Variants in PTBP3 observed in about 807,000 individuals in gnomAD.
The protein encoded by PTBP3 is polypyrimidine tract-binding protein 3.
Under a neutral mutation model 58.7 loss-of-function variants are expected in PTBP3, and 20 were observed. The observed-to-expected ratio is 0.34, with a 90% CI of 0.24 to 0.50. The LOEUF (loss-of-function observed/expected upper bound fraction) is 0.50, where lower values mean the gene tolerates loss of function less well. PTBP3 is among the 20% of genes least tolerant of loss of function. PTBP3 has a pLI of 0.98. For missense variants in PTBP3, 509 were observed against 637.2 expected, an observed-to-expected ratio of 0.80 and a Z score of 2.17; for synonymous variants, 185 against 219.8, an observed-to-expected ratio of 0.84 and a Z score of 1.40.
At chr9:112,378,544 G>C in the PTBP3 span, among the ~76,000 whole-genome samples, 1 of 152,208 alleles carries the variant, frequency 6.6e-6, no homozygotes, top group Non-Finnish European at 1.5e-5. Flanking sequence ...CCGTTACTAA[G>C]AATTCACTCT....
chr9:112,284,861 T>C (rs531982648), intron 2 of PTBP3, among the ~76,000 whole-genome samples: 24 of 152,320 alleles, frequency 1.6e-4, no homozygotes, highest in African/African-American at 5.5e-4. Flanking sequence ...ACCCCCGTTG[T>C]ATCTTCGAAG....
the PTBP3 span, among the ~76,000 whole-genome samples, chr9:112,379,166 G>A: frequency 6.6e-6 from 1 of 152,140 alleles, no homozygotes; most frequent in Non-Finnish European, 1.5e-5. Context: ...CTTCAGCGTG[G>A]GCGACAGCGA....
chr9:112,336,973 G>T (rs1830582141), upstream of PTBP3, among the ~76,000 whole-genome samples: 1 of 152,140 alleles, frequency 6.6e-6, no homozygotes, highest in South Asian at 2.1e-4. Context: ...AACAAAAAAG[G>T]TGAAGCCTTA....
the PTBP3 span, among the ~76,000 whole-genome samples, chr9:112,358,123 C>G: frequency 1.3e-5 from 2 of 152,026 alleles, no homozygotes; most frequent in African/African-American, 4.8e-5. Context: ...GGCTGGCCAA[C>G]GTGATGATAC....
chr9:112,238,408 G>C (rs1835517167), intron 7 of PTBP3, among the ~76,000 whole-genome samples: 1 of 152,006 alleles, frequency 6.6e-6, no homozygotes, highest in Non-Finnish European at 1.5e-5. Context: ...ATGCAGCTCA[G>C]AAAGAAAAGT....
chr9:112,267,450 C>T (rs1490601883), intron 4 of PTBP3, among the ~76,000 whole-genome samples: 1 of 152,122 alleles, frequency 6.6e-6, no homozygotes, highest in Non-Finnish European at 1.5e-5. Flanking sequence ...CCAAAAACCA[C>T]CTTCTTAAAA....
At chr9:112,320,287 A>ATATATATATAT (rs1222194244) in intron 1 of PTBP3, among the ~76,000 whole-genome samples, 1 of 39,526 alleles carries the variant, frequency 2.5e-5, no homozygotes, top group African/African-American at 2.7e-4. Flanking sequence ...CTTAAAAAAA[A>ATATATATATAT]AAAAATATAT....
At chr9:112,224,095 A>G (rs758096858) in intron 13 of PTBP3, 38 bp downstream of exon 13, 23 of 1,553,826 alleles carry the variant, frequency 1.5e-5, no homozygotes, top group Non-Finnish European at 1.9e-5. Context: ...ATACCATATT[A>G]AATAATTTTA....
intron 5 of PTBP3, among the ~76,000 whole-genome samples, chr9:112,257,143 T>C (rs573031888): frequency 1.3e-5 from 2 of 152,340 alleles, no homozygotes; most frequent in East Asian, 3.9e-4. Context: ...GTGTGGTTTT[T>C]ATCTGAATGT....
chr9:112,234,114 C>A (rs898829760), intron 8 of PTBP3, among the ~76,000 whole-genome samples: 3 of 152,192 alleles, frequency 2.0e-5, no homozygotes, highest in Admixed American at 6.5e-5. Flanking sequence ...TTCCCCTAAT[C>A]ACCAACCTCA....
At chr9:112,369,981 G>T in the PTBP3 span, among the ~76,000 whole-genome samples, 1 of 152,110 alleles carries the variant, frequency 6.6e-6, no homozygotes, top group Non-Finnish European at 1.5e-5. Flanking sequence ...ACACACTCTT[G>T]CCTGCCACCA....
At chr9:112,362,376 G>A in the PTBP3 span, among the ~76,000 whole-genome samples, 1 of 152,156 alleles carries the variant, frequency 6.6e-6, no homozygotes, top group Non-Finnish European at 1.5e-5. Context: ...TGTAGCTGTT[G>A]TAAGAATTCT....
intron 1 of PTBP3, among the ~76,000 whole-genome samples, chr9:112,319,083 T>C (rs1281294297): frequency 1.4e-5 from 2 of 140,308 alleles, no homozygotes; most frequent in Non-Finnish European, 3.0e-5. Flanking sequence ...GCCGAGATCA[T>C]GCCATTGCAC....
chr9:112,268,138 G>T lies in PTBP3; in HGVS notation c.262C>A (p.Pro88Thr). The T allele has an allele frequency of 6.2e-7, 1 of 1,613,744 alleles. No homozygotes were observed. Among genetic ancestry groups the T allele is most frequent in the Admixed American group, 1.7e-5 (1 of 59,922 alleles). ...AAVTMVNYYT[P>T]ITPHLRSQPV... ...TGGCTTCGAAGGTGAGGAGTAATAG[G>T]AGTGTAATAATTCACCATAGTAACG... The change falls in exon 4 of 14, where the codon CCT (proline) becomes ACT (threonine). Residue 88 changes from proline to threonine, a missense_variant. Coordinates refer to ENST00000374257, the MANE Select transcript of PTBP3 (RefSeq NM_001163788.4).
rs113968735 is a variant in PTBP3, at chr9:112,246,423, G to A, written c.802+4506C>T. Among the ~76,000 whole-genome samples the A allele has an allele frequency of 7.0e-3, 1,070 of 152,166 alleles. 20 individuals are homozygous for A. The highest frequency in any genetic ancestry group is 0.024 in the African/African-American group (1,000 of 41,526). ...GAAAAATAAAAGGTAGGACAGGCGCGGTGGCTCACGCCTGTAATCCCAGCA... is the reference window on the plus strand; with the variant it reads ...GAAAAATAAAAGGTAGGACAGGCGCAGTGGCTCACGCCTGTAATCCCAGCA... On this transcript the variant is annotated intron_variant, in intron 7 of 13. Transcript: ENST00000374257.
intron 1 of PTBP3, among the ~76,000 whole-genome samples, chr9:112,300,422 C>G (rs551914244): frequency 6.6e-6 from 1 of 152,324 alleles, no homozygotes; most frequent in South Asian, 2.1e-4. Context: ...GAATGAACTA[C>G]GGCTCCACAT....
At chr9:112,314,770 A>G (rs1457372889) in intron 1 of PTBP3, among the ~76,000 whole-genome samples, 1 of 152,210 alleles carries the variant, frequency 6.6e-6, no homozygotes, top group African/African-American at 2.4e-5. Context: ...CTTCTCTTTA[A>G]CAGAATAAAA....
At chr9:112,258,390 G>A (rs1456932314) in intron 5 of PTBP3, among the ~76,000 whole-genome samples, 1 of 152,076 alleles carries the variant, frequency 6.6e-6, no homozygotes, top group Non-Finnish European at 1.5e-5. Flanking sequence ...CCACACCTAC[G>A]CTGAAGGTTC....
At chr9:112,342,728 C>CG in the PTBP3 span, among the ~76,000 whole-genome samples, 5 of 77,248 alleles carry the variant, frequency 6.5e-5, no homozygotes, top group African/African-American at 4.0e-5. Context: ...GAAAGAAAAA[C>CG]AAAGAAGAAG....
Sources: allele counts gnomAD v4.1 joint callset (sites outside exome capture counted in the v4.1 genomes callset), GRCh38; gene constraint gnomAD v4.1.1; transcripts MANE v1.5; gene names NCBI Gene and HGNC (gene_info 2026-07-23, HGNC 2026-07-21).